Variants in BBS2 observed in about 807,000 individuals in gnomAD.
BBS2 encodes the protein Bardet-Biedl syndrome 2, also known as BBSome complex member BBS2.
In BBS2, 62 loss-of-function variants were observed where a neutral mutation model predicts 83.0. That is an observed-to-expected ratio of 0.75 (90% CI 0.61 to 0.92). The LOEUF (loss-of-function observed/expected upper bound fraction) is 0.92. BBS2 is among the 40% of genes least tolerant of loss of function. BBS2 has a pLI of 0.00. For synonymous variants in BBS2, 303 were observed against 326.1 expected (o/e 0.93, Z 0.76); for missense variants, 784 against 901.0 (o/e 0.87, Z 1.66).
chr16:56,485,820 C>G (rs1366660403), intron 15 of BBS2, 82 bp from the exon 16 acceptor site: 16 of 1,312,922 alleles, frequency 1.2e-5, no homozygotes, highest in Non-Finnish European at 1.7e-5. Context: ...CTTAGACATA[C>G]AAAGAAAAGA....
At chr16:56,503,331 G>C (rs1311753810) in intron 7 of BBS2, among the ~76,000 whole-genome samples, 1 of 152,184 alleles carries the variant, frequency 6.6e-6, no homozygotes, top group Non-Finnish European at 1.5e-5. Context: ...CTGACACACA[G>C]AAGTACGTAA....
At position 56,485,105 on chromosome 16, in the gene BBS2, T is replaced by C. The variant is rs185462071; in HGVS notation, c.2060-238A>G. Among the ~76,000 whole-genome samples, 127 of 152,316 alleles carry C rather than the reference T, an allele frequency of 8.3e-4. 1 individual carries two copies. The highest frequency in any genetic ancestry group is 2.5e-3 in the African/African-American group (103 of 41,578). On this transcript the variant is annotated intron_variant, in intron 16 of 16. Transcript: ENST00000245157. ...TTTTACAGAAAAGGATCAAAGCTCA[T>C]AGTCACCTAGCAAAGATTATTTCTA... is the stretch of plus-strand genomic sequence containing the variant.
At chr16:56,484,945 C>T in intron 16 of BBS2, 78 bp from the exon 17 acceptor site, 1 of 1,095,372 alleles carries the variant, frequency 9.1e-7, no homozygotes, top group Non-Finnish European at 1.4e-6. Context: ...TTTAAAACAA[C>T]ATAAAACCAG....
At chr16:56,497,350 G>A in intron 14 of BBS2, 1 of 529,374 alleles carries the variant, frequency 1.9e-6, no homozygotes, top group South Asian at 2.1e-5. Context: ...TTAGGGATTT[G>A]CAGTGGGAAT....
intron 17 of BBS2, among the ~76,000 whole-genome samples, chr16:56,472,734 C>T (rs906026569): frequency 6.6e-6 from 1 of 152,106 alleles, no homozygotes; most frequent in Non-Finnish European, 1.5e-5. Context: ...TACATGTATA[C>T]ACATATGGGG....
rs1165111161 is a variant in BBS2 at position 56,484,391 on chromosome 16, A to G, written c.*370T>C. The G allele has an allele frequency of 5.2e-6, 1 of 193,588 alleles. No homozygotes were observed. Among genetic ancestry groups the G allele is most frequent in the African/African-American group, 2.4e-5 (1 of 42,476 alleles). The allele number at this position is 193,588 out of a possible 1,614,324, so 12.0% of individuals were successfully genotyped here. On this transcript the variant is annotated 3_prime_UTR_variant, in exon 17 of 17. Coordinates refer to ENST00000245157, the MANE Select transcript of BBS2 (RefSeq NM_031885.5). The stretch of plus-strand genomic sequence containing the variant: ...ATAATCAATCAACACAAAGTTTAAC[A>G]TCTTTACATTTTAATGAAAAAGTAG...
At chr16:56,501,600 C>A (rs1220464413) in intron 9 of BBS2, 103 bp from the exon 10 acceptor site, 1 of 1,401,382 alleles carries the variant, frequency 7.1e-7, no homozygotes, top group Non-Finnish European at 1.0e-6. Context: ...GAGCCTCCAG[C>A]ATATTATTAT....
intron 5 of BBS2, 132 bp downstream of exon 5, chr16:56,509,825 A>AC: frequency 4.9e-6 from 4 of 818,692 alleles, no homozygotes; most frequent in Non-Finnish European, 8.5e-6. Context: ...GCTCTGTCTG[A>AC]CCCCCTCCCC....
chr16:56,514,448 C>T lies in BBS2; in HGVS notation c.345+5G>A, dbSNP rs1430976492. On this transcript the variant is annotated splice_donor_5th_base_variant and intron_variant, in intron 2 of 16. Transcript: ENST00000245157. Reference sequence around the variant, plus strand: ...CAATTTTATGGTTATAAAGGTTATACTTGCCTCTCTGTAGAACAAATCCGA... The same window carrying T: ...CAATTTTATGGTTATAAAGGTTATATTTGCCTCTCTGTAGAACAAATCCGA... 2.5e-6 allele frequency: 4 copies of T among 1,611,874 alleles called. No individual in the cohort carries two copies. Among genetic ancestry groups the T allele is most frequent in the Non-Finnish European group, 3.4e-6 (4 of 1,178,134 alleles).
chr16:56,501,300 G>A, intron 10 of BBS2, 53 bp downstream of exon 10: 1 of 1,549,368 alleles, frequency 6.5e-7, no homozygotes. Context: ...AAAAAAGAAT[G>A]ACTCCAAGAT....
chr16:56,506,248 C>T, intron 5 of BBS2, 24 bp from the exon 6 acceptor site: 1 of 1,558,804 alleles, frequency 6.4e-7, no homozygotes, highest in Non-Finnish European at 8.8e-7. Context: ...CACAAAAACA[C>T]AACATCTTTT....
chr16:56,484,656 C>A lies in BBS2; in HGVS notation c.*105G>T. 1.1e-6 allele frequency: 1 copy of A among 887,824 alleles called. No homozygotes were observed. The allele number at this position is 887,824 out of a possible 1,614,324, so 55.0% of individuals were successfully genotyped here. On this transcript the variant is annotated 3_prime_UTR_variant, in exon 17 of 17. Coordinates refer to ENST00000245157, the MANE Select transcript of BBS2 (RefSeq NM_031885.5). ...TTGTACAACTCACCAAGGTTATTTTCATTCTTAGCACCCGGGGTTCACCAG... is the reference window on the plus strand; with the variant it reads ...TTGTACAACTCACCAAGGTTATTTTAATTCTTAGCACCCGGGGTTCACCAG...
At chr16:56,518,916 A>G (rs969238828) in intron 1 of BBS2, among the ~76,000 whole-genome samples, 2 of 152,268 alleles carry the variant, frequency 1.3e-5, no homozygotes, top group Non-Finnish European at 2.9e-5. Context: ...CGCACATAGT[A>G]AACACCTAAT....
intron 7 of BBS2, among the ~76,000 whole-genome samples, chr16:56,503,694 C>T (rs930377235): frequency 1.3e-5 from 2 of 152,102 alleles, no homozygotes; most frequent in Non-Finnish European, 2.9e-5. Context: ...CCGAGGCAGG[C>T]GGATCACGAG....
Position 56,519,955 on chromosome 16 carries a change from A to AGTGTC in BBS2, c.-94_-93insGACAC. On this transcript the variant is annotated 5_prime_UTR_variant, in exon 1 of 17. Coordinates refer to ENST00000245157, the MANE Select transcript of BBS2 (RefSeq NM_031885.5). Reference sequence around the variant, plus strand: ...CCCGGGCAAGAAGTGCAGGGACACTACCTGCGCGGCCCCAGCCGCCTCAGG... The same window carrying AGTGTC: ...CCCGGGCAAGAAGTGCAGGGACACTAGTGTCCCTGCGCGGCCCCAGCCGCCTCAGG... 2 of 1,114,974 alleles carry AGTGTC rather than the reference A, an allele frequency of 1.8e-6. No homozygotes were observed. The highest frequency in any genetic ancestry group is 2.7e-6 in the Non-Finnish European group (2 of 744,036). The allele number at this position is 1,114,974 out of a possible 1,614,324, so 69.1% of individuals were successfully genotyped here. A position where few individuals can be genotyped will look rare whatever the true frequency, so the allele number is the denominator to read the frequency against.
At chr16:56,501,787 C>T (rs1160039706) in intron 9 of BBS2, 1 of 444,902 alleles carries the variant, frequency 2.2e-6, no homozygotes, top group African/African-American at 2.0e-5. Flanking sequence ...AAACAAATTC[C>T]CTTGTTACAT....
At chr16:56,478,885 T>C (rs1567561176) in intron 17 of BBS2, 1 of 152,186 alleles carries the variant, frequency 6.6e-6, no homozygotes, top group Non-Finnish European at 1.5e-5. Context: ...TCTTAGATTG[T>C]GAAGGATGGT....
intron 4 of BBS2, 24 bp downstream of exon 4, chr16:56,510,835 A>G (rs1964555615): frequency 1.2e-6 from 2 of 1,612,582 alleles, no homozygotes; most frequent in South Asian, 2.2e-5. Context: ...AACACACAAG[A>G]GAGATATCTC....
intron 15 of BBS2, 143 bp downstream of exon 15, chr16:56,496,824 T>C: frequency 1.4e-6 from 1 of 730,010 alleles, no homozygotes; most frequent in Non-Finnish European, 2.5e-6. Flanking sequence ...AGGACATGCA[T>C]TTTCAACTTT....
Sources: gnomAD v4.1 joint callset for allele counts (sites outside exome capture counted in the v4.1 genomes callset) on GRCh38, gnomAD v4.1.1 for gene constraint, MANE v1.5 for transcripts, NCBI Gene and HGNC (gene_info 2026-07-23, HGNC 2026-07-21) for gene names.